Variants in TIGD6 observed in about 807,000 individuals in gnomAD.
TIGD6 encodes tigger transposable element-derived protein 6.
In TIGD6, 1 loss-of-function variant was observed where a neutral mutation model predicts 2.6. The observed-to-expected ratio is 0.39, with a 90% confidence interval of 0.14 to 1.85. The LOEUF (loss-of-function observed/expected upper bound fraction) is 1.85, where lower values mean the gene tolerates loss of function less well. TIGD6 is among the 40% of genes most tolerant of loss of function. The pLI, the probability that TIGD6 is intolerant of heterozygous loss-of-function variation, is 0.32. For missense variants in TIGD6, 601 were observed against 634.2 expected (o/e 0.95, Z 0.56); for synonymous variants, 193 against 221.9 (o/e 0.87, Z 1.16).
Position 149,995,205 on chromosome 5 carries a change from A to T in TIGD6, c.1144T>A (p.Phe382Ile). 1 of 1,614,234 alleles carries T rather than the reference A, an allele frequency of 6.2e-7. No homozygotes were observed. The highest frequency in any genetic ancestry group is 8.5e-7 in the Non-Finnish European group (1 of 1,180,038). ...GCTGATTCTGTGTCACATTCTGCAA[A>T]TTCCATAGGGACGATGCCTGCCTTC... ...WQKAGIVPME[F>I]AECDTESAAS... Residue 382 changes from phenylalanine (F) to isoleucine (I), a missense_variant, in exon 2 of 2, where the codon TTT becomes ATT. By Grantham distance (21) the Phe-to-Ile change is conservative. Coordinates refer to ENST00000296736, the MANE Select transcript of TIGD6 (RefSeq NM_030953.4).
rs1755305406 is a variant in TIGD6 at position 149,993,356 on chromosome 5, T to C, written c.*1427A>G. 1 of 150,110 alleles carries C rather than the reference T, an allele frequency of 6.7e-6. No homozygotes were observed. The highest frequency in any genetic ancestry group is 1.5e-5 in the Non-Finnish European group (1 of 67,980). 9.3% of individuals were successfully genotyped at this position (150,110 alleles called of 1,614,324 possible). On this transcript the variant is annotated 3_prime_UTR_variant, in exon 2 of 2. Transcript: ENST00000296736. ...AATTAACCTGAAGCAGGGGGAAAAA[T>C]GACATCACACCATTAGCAGGTATTG...
At chr5:149,998,679 C>A (rs1755457455) in intron 1 of TIGD6, among the ~76,000 whole-genome samples, 1 of 152,204 alleles carries the variant, frequency 6.6e-6, no homozygotes, top group Non-Finnish European at 1.5e-5. Context: ...GACAAGAGAA[C>A]CTGCTGTGAC....
intron 1 of TIGD6, among the ~76,000 whole-genome samples, chr5:149,999,126 G>C (rs1207015352): frequency 6.6e-6 from 1 of 152,206 alleles, no homozygotes; most frequent in African/African-American, 2.4e-5. Context: ...CAAATCACAG[G>C]AAGTCCTAGT....
rs1755306242 is a variant in TIGD6, at chr5:149,993,417, G to T, written c.*1366C>A. 1 of 152,120 alleles carries T rather than the reference G, an allele frequency of 6.6e-6. No homozygotes were observed. 9.4% of individuals were successfully genotyped at this position (152,120 alleles called of 1,614,324 possible). Reference sequence around the variant, plus strand: ...CTAAAAATGAAACTGACATTTATCTGACTTATTAGGAATAAATACTCTCTA... The same window carrying T: ...CTAAAAATGAAACTGACATTTATCTTACTTATTAGGAATAAATACTCTCTA... On this transcript the variant is annotated 3_prime_UTR_variant, in exon 2 of 2. Coordinates refer to ENST00000296736, the MANE Select transcript of TIGD6 (RefSeq NM_030953.4).
chr5:149,996,085 T>C lies in TIGD6; in HGVS notation c.264A>G (p.Glu88=), dbSNP rs772796833. The change falls in exon 2 of 2, where the codon GAA becomes GAG. Residue 88 remains glutamate, a synonymous_variant. Coordinates refer to ENST00000296736, the MANE Select transcript of TIGD6 (RefSeq NM_030953.4). ...IDKAVFAWFQ[E]IHAKNILVTG... ...TCACAAGAATGTTTTTGGCATGGAT[T>C]TCTTGAAACCAAGCAAAAACAGCCT... The C allele has an allele frequency of 6.2e-7, 1 of 1,614,038 alleles. No homozygotes were observed. The highest frequency in any genetic ancestry group is 8.5e-7 in the Non-Finnish European group (1 of 1,180,030).
At position 149,994,681 on chromosome 5, in the gene TIGD6, G is replaced by T; in HGVS notation, c.*102C>A. ...GTTTCCTGGCTATTTCAGAGTACTG[G>T]AATGTTGTCACAATAACATTGCTTT... On this transcript the variant is annotated 3_prime_UTR_variant, in exon 2 of 2. Transcript: ENST00000296736. 8.7e-7 allele frequency: 1 copy of T among 1,151,016 alleles called. No homozygotes were observed. The highest frequency in any genetic ancestry group is 1.2e-6 in the Non-Finnish European group (1 of 841,056). 71.3% of individuals were successfully genotyped at this position (1,151,016 alleles called of 1,614,324 possible).
At chr5:149,998,733 C>T (rs1341333689) in intron 1 of TIGD6, among the ~76,000 whole-genome samples, 1 of 152,208 alleles carries the variant, frequency 6.6e-6, no homozygotes, top group Non-Finnish European at 1.5e-5. Flanking sequence ...TTTTTACTAT[C>T]ACCTCCATAC....
At position 149,996,230 on chromosome 5, in the gene TIGD6, G is replaced by A; in HGVS notation, c.119C>T (p.Thr40Ile). The A allele has an allele frequency of 6.2e-7, 1 of 1,614,198 alleles. No individual in the cohort carries two copies. The highest frequency in any genetic ancestry group is 8.5e-7 in the Non-Finnish European group (1 of 1,180,040). The change falls in exon 2 of 2, where the codon ACT becomes ATT. Residue 40 changes from threonine (T) to isoleucine (I), a missense_variant. By Grantham distance (89) the Thr-to-Ile change is moderately conservative. Coordinates refer to ENST00000296736, the MANE Select transcript of TIGD6 (RefSeq NM_030953.4). Reference protein sequence around the residue: ...KGDVAKEFGITPSTLSTFLKD... With the variant: ...KGDVAKEFGIIPSTLSTFLKD... The stretch of plus-strand genomic sequence containing the variant: ...TAAGAATGTAGATAAAGTAGAGGGA[G>A]TGATACCAAATTCTTTTGCCACATC...
chr5:149,999,128 A>C (rs1755472016), intron 1 of TIGD6, among the ~76,000 whole-genome samples: 1 of 152,246 alleles, frequency 6.6e-6, no homozygotes, highest in Non-Finnish European at 1.5e-5. Context: ...AATCACAGGA[A>C]GTCCTAGTCA....
At position 149,993,213 on chromosome 5, in the gene TIGD6, T is replaced by C. The variant is rs1755301165; in HGVS notation, c.*1570A>G. 1 of 152,130 alleles carries C rather than the reference T, an allele frequency of 6.6e-6. No individual in the cohort carries two copies. The highest frequency in any genetic ancestry group is 2.1e-4 in the South Asian group (1 of 4,830). 9.4% of individuals were successfully genotyped at this position (152,130 alleles called of 1,614,324 possible). On this transcript the variant is annotated 3_prime_UTR_variant, in exon 2 of 2. Coordinates refer to ENST00000296736, the MANE Select transcript of TIGD6 (RefSeq NM_030953.4). ...TTAAACATCTGCTGTTTTTCAGTGA[T>C]TGTTTTGTTAATGTGGAAGCAACAT...
At position 149,996,276 on chromosome 5, in the gene TIGD6, C is replaced by G. The variant is rs538969595; in HGVS notation, c.73G>C (p.Asp25His). ...ACATCACCTTTCCTCTTGCCTGAGT[C>G]TACAGCTCCCACAACTTTCATTTTC... The part of the protein sequence containing the change: ...EEKMKVVGAV[D>H]SGKRKGDVAK... The change falls in exon 2 of 2, where the codon GAC becomes CAC. Residue 25 changes from aspartate (D) to histidine (H), a missense_variant. Asp to His is a moderately conservative substitution (Grantham distance 81, BLOSUM62 -1). Coordinates refer to ENST00000296736, the MANE Select transcript of TIGD6 (RefSeq NM_030953.4). The G allele has an allele frequency of 6.2e-7, 1 of 1,614,108 alleles. No individual in the cohort carries two copies. Among genetic ancestry groups the G allele is most frequent in the South Asian group, 1.1e-5 (1 of 91,070 alleles).
chr5:149,999,439 G>A (rs1184126015), intron 1 of TIGD6, among the ~76,000 whole-genome samples: 1 of 152,164 alleles, frequency 6.6e-6, no homozygotes, highest in African/African-American at 2.4e-5. Flanking sequence ...AAAAGCAGGA[G>A]TCCACATGAG....
Position 150,000,643 on chromosome 5 carries a change from C to T in TIGD6, c.-251G>A, listed in dbSNP as rs1354655103. 6.5e-6 allele frequency: 1 copy of T among 154,812 alleles called. No individual in the cohort carries two copies. The highest frequency in any genetic ancestry group is 2.4e-5 in the African/African-American group (1 of 41,542). 9.6% of individuals were successfully genotyped at this position (154,812 alleles called of 1,614,324 possible). ...GTGTGGGTCCGCTCCCAAGCTAGGG[C>T]TGGGCTGTTGCGCTTGCGCCAGGGG... On this transcript the variant is annotated 5_prime_UTR_variant, in exon 1 of 2. Coordinates refer to ENST00000296736, the MANE Select transcript of TIGD6 (RefSeq NM_030953.4).
rs1755333642 is a variant in TIGD6, at chr5:149,994,729, A to G, written c.*54T>C. The G allele has an allele frequency of 3.4e-6, 5 of 1,462,482 alleles. No individual in the cohort carries two copies. In the South Asian group the frequency reaches 4.5e-5, roughly 13 times the overall value. 90.6% of individuals were successfully genotyped at this position (1,462,482 alleles called of 1,614,324 possible). On this transcript the variant is annotated 3_prime_UTR_variant, in exon 2 of 2. Coordinates refer to ENST00000296736, the MANE Select transcript of TIGD6 (RefSeq NM_030953.4). ...TTTACTTAAATTGGCTCAACAACCT[A>G]TCTAAAGAAATCTTTATTCTTGTAA...
chr5:149,995,997 G>A lies in TIGD6; in HGVS notation c.352C>T (p.Gln118Ter). The A allele has an allele frequency of 1.2e-6, 2 of 1,610,956 alleles. No individual in the cohort carries two copies. The change falls in exon 2 of 2, where the codon CAA becomes TAA. Residue 118 changes from glutamine (Q) to a stop codon, truncating the protein, a stop_gained. Coordinates refer to ENST00000296736, the MANE Select transcript of TIGD6 (RefSeq NM_030953.4). LOFTEE classifies it high-confidence loss of function. The part of the protein sequence containing the change: ...LANMLGYDNF[Q>*]ASVGWLNRFR... The stretch of plus-strand genomic sequence containing the variant: ...CTGTTCAGCCAGCCCACACTTGCTT[G>A]AAAATTGTCATAGCCAAGCATGTTG...
chr5:149,995,625 G>A lies in TIGD6; in HGVS notation c.724C>T (p.His242Tyr). 1.2e-6 allele frequency: 2 copies of A among 1,614,240 alleles called. No individual in the cohort carries two copies. Among genetic ancestry groups the A allele is most frequent in the Non-Finnish European group, 1.7e-6 (2 of 1,180,046 alleles). ...GCTCGGTAATCACAAGGGAGGGAATGAATGTTCTTGAGGCAGTGTGGGCTG... is the reference window on the plus strand; with the variant it reads ...GCTCGGTAATCACAAGGGAGGGAATAAATGTTCTTGAGGCAGTGTGGGCTG... ...SASPHCLKNI[H>Y]SLPCDYRANQ... The change falls in exon 2 of 2, where the codon CAT becomes TAT. Residue 242 changes from histidine to tyrosine, a missense_variant. Coordinates refer to ENST00000296736, the MANE Select transcript of TIGD6 (RefSeq NM_030953.4).
intron 1 of TIGD6, among the ~76,000 whole-genome samples, chr5:149,997,726 G>A (rs1330246217): frequency 3.3e-5 from 5 of 151,768 alleles, no homozygotes; most frequent in Admixed American, 6.6e-5. Flanking sequence ...TTGGGAGGCC[G>A]ACGCGTGTGG....
chr5:149,999,404 T>C (rs1000118570), intron 1 of TIGD6, among the ~76,000 whole-genome samples: 3 of 152,114 alleles, frequency 2.0e-5, no homozygotes, highest in African/African-American at 4.8e-5. Flanking sequence ...GACTGCTGTG[T>C]AAAGAATGGA....
At chr5:149,999,058 T>A (rs999287216) in intron 1 of TIGD6, among the ~76,000 whole-genome samples, 1 of 152,178 alleles carries the variant, frequency 6.6e-6, no homozygotes, top group African/African-American at 2.4e-5. Context: ...AAATACTATA[T>A]AGGAAATAGA....
Sources: allele counts gnomAD v4.1 joint callset (sites outside exome capture counted in the v4.1 genomes callset), GRCh38; gene constraint gnomAD v4.1.1; transcripts MANE v1.5; gene names NCBI Gene and HGNC (gene_info 2026-07-23, HGNC 2026-07-21).